Variants in RIMS2 observed in about 807,000 individuals in gnomAD.
RIMS2 encodes regulating synaptic membrane exocytosis 2, also known as regulating synaptic membrane exocytosis protein 2.
RIMS2 carries 59 observed loss-of-function variants against 174.4 expected under a neutral mutation model. The ratio of observed to expected loss-of-function variants is 0.34; its 90% CI spans 0.27 to 0.42. The LOEUF is 0.42. Ranked by LOEUF, RIMS2 falls within the 10% of genes least tolerant of loss-of-function variation. The probability of loss-of-function intolerance (pLI) is 1.00; values close to 1 mark genes in which losing one functional copy is unlikely to be tolerated. For missense variants in RIMS2, 1,620 were observed against 1,666.3 expected, an observed-to-expected ratio of 0.97 and a Z score of 0.48; for synonymous variants, 606 against 572.5, an observed-to-expected ratio of 1.06 and a Z score of -0.84.
chr8:104,168,781 G>A (rs2098813110), intron 19 of RIMS2, among the ~76,000 whole-genome samples: 1 of 152,084 alleles, frequency 6.6e-6, no homozygotes, highest in Admixed American at 6.5e-5. Context: ...TTGGCTGTGG[G>A]TTTGTCATAG....
intron 2 of RIMS2, among the ~76,000 whole-genome samples, chr8:103,757,541 TA>T: frequency 6.6e-6 from 1 of 152,268 alleles, no homozygotes; most frequent in East Asian, 1.9e-4. Context: ...TATTGGGCTA[TA>T]ATTTTACTTT....
chr8:103,871,745 T>C (rs937341856), intron 3 of RIMS2, among the ~76,000 whole-genome samples: 1 of 152,132 alleles, frequency 6.6e-6, no homozygotes, highest in Non-Finnish European at 1.5e-5. Flanking sequence ...AAGAATTGCA[T>C]TGATTTTTGG....
intron 2 of RIMS2, among the ~76,000 whole-genome samples, chr8:103,756,131 T>C (rs1055173016): frequency 2.0e-5 from 3 of 152,296 alleles, no homozygotes; most frequent in Admixed American, 2.0e-4. Flanking sequence ...TCCTTTTTGT[T>C]GATGTTGATG....
chr8:103,755,133 A>C (rs2097967328), intron 2 of RIMS2, among the ~76,000 whole-genome samples: 2 of 152,164 alleles, frequency 1.3e-5, no homozygotes, highest in Admixed American at 6.5e-5. Flanking sequence ...GGTGGTGACA[A>C]AATCTCTCAG....
At chr8:104,203,149 T>A (rs1420174489) in intron 19 of RIMS2, among the ~76,000 whole-genome samples, 8 of 152,184 alleles carry the variant, frequency 5.3e-5, no homozygotes, top group African/African-American at 1.7e-4. Context: ...TGAAAACATT[T>A]ATAGTAGTAA....
At chr8:103,866,482 C>A (rs2099085000) in intron 3 of RIMS2, among the ~76,000 whole-genome samples, 2 of 152,070 alleles carry the variant, frequency 1.3e-5, no homozygotes, top group Admixed American at 6.6e-5. Context: ...ATTTGCTTAA[C>A]ACCTTATTTG....
At chr8:104,134,414 A>G (rs6468905) in intron 19 of RIMS2, among the ~76,000 whole-genome samples, 91,456 of 152,084 alleles carry the variant, frequency 0.6, 29,845 homozygotes, top group East Asian at 0.92. Flanking sequence ...GCAGTGAGCC[A>G]AGATCGTGCC....
intron 19 of RIMS2, among the ~76,000 whole-genome samples, chr8:104,086,944 A>G (rs2097546541): frequency 2.6e-5 from 4 of 152,146 alleles, no homozygotes; most frequent in Non-Finnish European, 1.5e-5. Context: ...CTGTCTGTTC[A>G]GTGACCACTT....
chr8:103,502,340 TACC>T (rs1232994280), intron 1 of RIMS2, among the ~76,000 whole-genome samples: 1 of 152,190 alleles, frequency 6.6e-6, no homozygotes, highest in Non-Finnish European at 1.5e-5. Flanking sequence ...TAATGAAAAA[TACC>T]ACTTTAAATA....
intron 19 of RIMS2, among the ~76,000 whole-genome samples, chr8:104,044,856 A>G (rs2096666598): frequency 6.6e-6 from 1 of 151,754 alleles, no homozygotes; most frequent in Non-Finnish European, 1.5e-5. Context: ...ATAAATAAAG[A>G]CTAATGCATT....
intron 1 of RIMS2, among the ~76,000 whole-genome samples, chr8:103,598,675 C>T (rs1001835399): frequency 6.6e-6 from 1 of 152,108 alleles, no homozygotes; most frequent in African/African-American, 2.4e-5. Context: ...TGTTCTTTGA[C>T]ATGATGATAT....
intron 1 of RIMS2, among the ~76,000 whole-genome samples, chr8:103,594,321 C>T (rs969855265): frequency 6.6e-6 from 1 of 151,494 alleles, no homozygotes; most frequent in Admixed American, 6.6e-5. Context: ...ATCTAGCATT[C>T]TCAAGACAAG....
chr8:104,143,730 T>TTTCTATCCTTCA (rs1300832305), intron 19 of RIMS2, among the ~76,000 whole-genome samples: 2 of 152,210 alleles, frequency 1.3e-5, no homozygotes, highest in Admixed American at 6.5e-5. Context: ...CCCTGTCTAC[T>TTTCTATCCTTCA]TTCTATCCTT....
intron 14 of RIMS2, among the ~76,000 whole-genome samples, chr8:103,945,937 TTC>T (rs1306430421): frequency 2.6e-5 from 4 of 152,188 alleles, no homozygotes; most frequent in African/African-American, 4.8e-5. Context: ...AGGATGTCTC[TTC>T]TTATCACTTC....
At chr8:103,766,516 C>T in exon 3 of RIMS2, 2 of 1,611,906 alleles carry the variant, frequency 1.2e-6, no homozygotes, top group Non-Finnish European at 1.7e-6. Context: ...CATCACATTG[C>T]CAGTGACATA....
chr8:104,153,429 T>C (rs1422022222), intron 19 of RIMS2, among the ~76,000 whole-genome samples: 1 of 152,196 alleles, frequency 6.6e-6, no homozygotes, highest in East Asian at 1.9e-4. Flanking sequence ...TATTTTTAAA[T>C]GTAAGAAAAG....
At chr8:104,202,213 T>A (rs1055148890) in intron 19 of RIMS2, among the ~76,000 whole-genome samples, 7 of 152,324 alleles carry the variant, frequency 4.6e-5, no homozygotes, top group Non-Finnish European at 1.0e-4. Flanking sequence ...ATACTCAGAA[T>A]TAGTATAGAC....
intron 1 of RIMS2, among the ~76,000 whole-genome samples, chr8:103,631,872 T>G (rs1396069766): frequency 1.3e-5 from 2 of 152,230 alleles, no homozygotes; most frequent in Admixed American, 6.5e-5. Flanking sequence ...TCTTAGGTAT[T>G]TTATTCTGTT....
intron 19 of RIMS2, among the ~76,000 whole-genome samples, chr8:104,066,312 A>G (rs1485650923): frequency 1.3e-5 from 2 of 152,208 alleles, no homozygotes. Context: ...GGATGTTGCC[A>G]TCCAGAAAAT....
Sources: allele counts gnomAD v4.1 joint callset (sites outside exome capture counted in the v4.1 genomes callset), GRCh38; gene constraint gnomAD v4.1.1; transcripts MANE v1.5; gene names NCBI Gene and HGNC (gene_info 2026-07-23, HGNC 2026-07-21).